The following IQGAP3 variants were observed in gnomAD, a reference collection of about 807,000 sequenced individuals.
The protein encoded by IQGAP3 is ras GTPase-activating-like protein IQGAP3.
A neutral mutation model predicts 208.2 loss-of-function variants in IQGAP3; 165 were observed. The observed-to-expected ratio is 0.79, with a 90% CI of 0.70 to 0.90. The LOEUF (loss-of-function observed/expected upper bound fraction) is 0.90. Ranked by LOEUF, IQGAP3 falls within the 40% of genes least tolerant of loss-of-function variation. IQGAP3 has a pLI of 0.00. For synonymous variants in IQGAP3, 703 were observed against 803.6 expected (o/e 0.87, Z 2.12); for missense variants, 1,811 against 2,043.1 (o/e 0.89, Z 2.19).
At chr1:156,562,150 C>A in intron 9 of IQGAP3, 149 bp from the exon 10 acceptor site, 1 of 731,990 alleles carries the variant, frequency 1.4e-6, no homozygotes, top group Non-Finnish European at 2.2e-6. Flanking sequence ...TGGTTCAGCC[C>A]AAATTCTTCA....
At chr1:156,561,690 T>A in intron 10 of IQGAP3, 148 bp downstream of exon 10, 1 of 777,332 alleles carries the variant, frequency 1.3e-6, no homozygotes, top group Non-Finnish European at 2.1e-6. Context: ...CAATCTGGTC[T>A]ACTAGGCCTT....
At chr1:156,533,210 T>C (rs1557918961) in intron 31 of IQGAP3, 104 bp from the exon 32 acceptor site, 1 of 1,407,802 alleles carries the variant, frequency 7.1e-7, no homozygotes. Context: ...TTAAATCAGC[T>C]GCTCCACATG....
intron 34 of IQGAP3, 81 bp from the exon 35 acceptor site, chr1:156,529,163 A>G (rs1191984850): frequency 2.8e-6 from 4 of 1,412,246 alleles, no homozygotes; most frequent in African/African-American, 1.4e-5. Context: ...CCCAAGAGCT[A>G]CACACTGTGA....
intron 15 of IQGAP3, 99 bp downstream of exon 15, chr1:156,551,606 G>T: frequency 8.0e-7 from 1 of 1,250,436 alleles, no homozygotes; most frequent in Non-Finnish European, 1.1e-6. Flanking sequence ...AGAAGCCATT[G>T]TGTCCATCAG....
At chr1:156,540,653 C>T (rs751643277) in intron 23 of IQGAP3, 55 bp downstream of exon 23, 1 of 1,481,268 alleles carries the variant, frequency 6.8e-7, no homozygotes, top group Non-Finnish European at 9.4e-7. Flanking sequence ...TGGTCAGCAT[C>T]ACATCTCCAG....
intron 2 of IQGAP3, among the ~76,000 whole-genome samples, chr1:156,567,353 C>T (rs1305142827): frequency 3.3e-5 from 5 of 152,278 alleles, no homozygotes; most frequent in Admixed American, 3.3e-4. Flanking sequence ...AGGGACAGAA[C>T]GACCACAGCT....
intron 22 of IQGAP3, among the ~76,000 whole-genome samples, chr1:156,543,733 A>G (rs1228049436): frequency 6.6e-6 from 1 of 152,126 alleles, no homozygotes; most frequent in Non-Finnish European, 1.5e-5. Context: ...GGTGGTAGCA[A>G]TAGGCAGATA....
In IQGAP3 at chr1:156,567,424, T is replaced by C. The variant is rs1676459492; in HGVS notation, c.126-878A>G. Among the ~76,000 whole-genome samples, 3 of 152,230 alleles carry C rather than the reference T, an allele frequency of 2.0e-5. No homozygotes were observed. In the South Asian group the frequency reaches 6.2e-4, roughly 31 times the overall value. The stretch of plus-strand genomic sequence containing the variant: ...CCTACTTCACCTCTGTGAGCCTCAG[T>C]TGCACAATTTGCAAAATGAGGATAA... On this transcript the variant is annotated intron_variant, in intron 2 of 37. Coordinates refer to ENST00000361170, the MANE Select transcript of IQGAP3 (RefSeq NM_178229.5).
chr1:156,569,508 G>A, intron 1 of IQGAP3, 45 bp from the exon 2 acceptor site: 3 of 1,059,416 alleles, frequency 2.8e-6, no homozygotes, highest in Non-Finnish European at 4.3e-6. Flanking sequence ...AGCATTAGAG[G>A]TGCCTTAGCA....
intron 22 of IQGAP3, among the ~76,000 whole-genome samples, chr1:156,542,928 G>A (rs1171574): frequency 0.24 from 35,663 of 151,380 alleles, 4,740 homozygotes; most frequent in East Asian, 0.54. Context: ...GTGACAGAGC[G>A]AGACTCTGTC....
At chr1:156,561,783 C>G (rs898516329) in intron 10 of IQGAP3, 55 bp downstream of exon 10, 1 of 1,556,476 alleles carries the variant, frequency 6.4e-7, no homozygotes, top group Non-Finnish European at 8.8e-7. Context: ...GTAAGAGGCC[C>G]TCTCCTATCC....
intron 1 of IQGAP3, among the ~76,000 whole-genome samples, chr1:156,569,833 T>C (rs994164381): frequency 6.6e-5 from 10 of 152,280 alleles, no homozygotes; most frequent in African/African-American, 2.2e-4. Context: ...AAACATCTTC[T>C]CAACAGACTT....
At chr1:156,560,858 C>T (rs1676113977) in intron 11 of IQGAP3, 76 bp downstream of exon 11, 2 of 1,042,242 alleles carry the variant, frequency 1.9e-6, no homozygotes, top group Non-Finnish European at 3.0e-6. Flanking sequence ...AATACAGAAG[C>T]CAGCAAAGAG....
intron 22 of IQGAP3, among the ~76,000 whole-genome samples, chr1:156,543,007 C>T (rs1675059670): frequency 6.6e-6 from 1 of 150,838 alleles, no homozygotes; most frequent in Admixed American, 6.6e-5. Context: ...CCAAGGGCCA[C>T]ACAGCTAGTA....
In IQGAP3 at chr1:156,542,960, T is replaced by A. The variant is rs1317371271; in HGVS notation, c.2530+1021A>T. Among the ~76,000 whole-genome samples the A allele has an allele frequency of 8.2e-5, 11 of 134,398 alleles. No individual in the cohort carries two copies. In the South Asian group the frequency reaches 1.1e-3, roughly 13 times the overall value. 88.2% of individuals were successfully genotyped at this position (134,398 alleles called of 152,430 possible). Reference sequence around the variant, plus strand: ...TGTCCTAAATAAACAAATAAATAAATAATCAATTAAAAAAAAAAAGGAAGT... The same window carrying A: ...TGTCCTAAATAAACAAATAAATAAAAAATCAATTAAAAAAAAAAAGGAAGT... On this transcript the variant is annotated intron_variant, in intron 22 of 37. Transcript: ENST00000361170.
intron 13 of IQGAP3, 91 bp from the exon 14 acceptor site, chr1:156,552,186 A>T: frequency 6.9e-7 from 1 of 1,453,824 alleles, no homozygotes. Flanking sequence ...TCTTCACTTG[A>T]CCTCCAGGAC....
At position 156,561,061 on chromosome 1, in the gene IQGAP3, G is replaced by A. The variant is rs201539700; in HGVS notation, c.1042-40C>T. The stretch of plus-strand genomic sequence containing the variant: ...AGATACAGTAGAATGGAGTCCTTCC[G>A]GGGCCATGACCATGCTTTACGAGTT... On this transcript the variant is annotated intron_variant, in intron 10 of 37. Transcript: ENST00000361170. 1.5e-5 allele frequency: 22 copies of A among 1,453,498 alleles called. No homozygotes were observed. The East Asian group carries it at 2.0e-4, about 14-fold the overall frequency. 90.0% of individuals were successfully genotyped at this position (1,453,498 alleles called of 1,614,324 possible).
chr1:156,566,141 T>C (rs1676390361), intron 3 of IQGAP3, 37 bp from the exon 4 acceptor site: 1 of 1,553,260 alleles, frequency 6.4e-7, no homozygotes, highest in Non-Finnish European at 8.9e-7. Flanking sequence ...ATTTCCACAG[T>C]TCTCAGCACT....
intron 37 of IQGAP3, among the ~76,000 whole-genome samples, chr1:156,527,025 G>A (rs1266282612): frequency 6.6e-6 from 1 of 151,312 alleles, no homozygotes; most frequent in African/African-American, 2.4e-5. Flanking sequence ...TAGAGACAGG[G>A]TTTCACTATA....
Sources: allele counts gnomAD v4.1 joint callset (sites outside exome capture counted in the v4.1 genomes callset), GRCh38; gene constraint gnomAD v4.1.1; transcripts MANE v1.5; gene names NCBI Gene and HGNC (gene_info 2026-07-23, HGNC 2026-07-21).